Variants in CGNL1 observed in about 807,000 individuals in gnomAD.
CGNL1 encodes cingulin like 1.
In CGNL1, 132 loss-of-function variants were observed where a neutral mutation model predicts 141.2. The observed-to-expected ratio is 0.93, with a 90% CI of 0.81 to 1.08. The LOEUF is 1.08. Ranked by LOEUF, CGNL1 falls within the 50% of genes least tolerant of loss-of-function variation. The probability of loss-of-function intolerance (pLI) is 0.00; values close to 1 mark genes in which losing one functional copy is unlikely to be tolerated. For missense variants in CGNL1, 1,870 were observed against 1,588.6 expected (o/e 1.18, Z -3.01); for synonymous variants, 690 against 622.1 (o/e 1.11, Z -1.63).
At chr15:57,395,729 A>G (rs1315841093) in intron 1 of CGNL1, among the ~76,000 whole-genome samples, 5 of 152,254 alleles carry the variant, frequency 3.3e-5, no homozygotes, top group Non-Finnish European at 5.9e-5. Context: ...TTCTCATCAC[A>G]TTCCCATGAA....
At chr15:57,499,571 G>C (rs2063993648) in intron 8 of CGNL1, among the ~76,000 whole-genome samples, 1 of 152,130 alleles carries the variant, frequency 6.6e-6, no homozygotes, top group South Asian at 2.1e-4. Context: ...ACTTCTCAGA[G>C]TCTTTAATAT....
At chr15:57,442,079 C>G (rs2063194289) in intron 3 of CGNL1, among the ~76,000 whole-genome samples, 1 of 150,066 alleles carries the variant, frequency 6.7e-6, no homozygotes, top group South Asian at 2.1e-4. Flanking sequence ...TAAATGTTCA[C>G]TGGGTGTCTT....
chr15:57,493,888 A>G (rs1447495245), intron 8 of CGNL1, among the ~76,000 whole-genome samples: 5 of 152,250 alleles, frequency 3.3e-5, no homozygotes, highest in Admixed American at 3.3e-4. Flanking sequence ...TGTATATATG[A>G]CATTGGTCCA....
intron 1 of CGNL1, among the ~76,000 whole-genome samples, chr15:57,409,260 T>G (rs1232079154): frequency 2.6e-5 from 4 of 152,140 alleles, no homozygotes; most frequent in African/African-American, 9.7e-5. Context: ...GCCATGCATT[T>G]GGAGACGTGT....
In CGNL1 at chr15:57,382,622, G is replaced by A. The variant is rs114717295; in HGVS notation, c.-16+6055G>A. Among the ~76,000 whole-genome samples the A allele has an allele frequency of 5.5e-3, 831 of 152,196 alleles. 12 individuals are homozygous for A. The highest frequency in any genetic ancestry group is 0.019 in the African/African-American group (794 of 41,518). ...TTGAGGTAAGATGACCTCTAGTTTT[G>A]GCCTCAAGAATTCTCTTGTTTTTGA... On this transcript the variant is annotated intron_variant, in intron 1 of 18. Coordinates refer to ENST00000281282, the MANE Select transcript of CGNL1 (RefSeq NM_032866.5).
At chr15:57,443,536 T>C (rs1405727853) in intron 4 of CGNL1, among the ~76,000 whole-genome samples, 1 of 152,182 alleles carries the variant, frequency 6.6e-6, no homozygotes, top group Non-Finnish European at 1.5e-5. Context: ...GGGATAATTT[T>C]AGGCGTCAAC....
At chr15:57,404,191 A>T (rs1338373819) in intron 1 of CGNL1, among the ~76,000 whole-genome samples, 2 of 152,240 alleles carry the variant, frequency 1.3e-5, no homozygotes, top group Non-Finnish European at 2.9e-5. Flanking sequence ...CCAGGAAAGT[A>T]GCTTATTTCT....
intron 12 of CGNL1, among the ~76,000 whole-genome samples, chr15:57,526,247 C>T (rs2031606471): frequency 1.3e-5 from 2 of 152,002 alleles, no homozygotes; most frequent in Non-Finnish European, 2.9e-5. Flanking sequence ...CTCACTGATG[C>T]AGCCCTGTGA....
intron 8 of CGNL1, among the ~76,000 whole-genome samples, chr15:57,483,009 A>G (rs1009042989): frequency 6.6e-6 from 1 of 151,044 alleles, no homozygotes; most frequent in Non-Finnish European, 1.5e-5. Flanking sequence ...CTGATCTTGA[A>G]CTCCTGACCT....
chr15:57,520,545 C>G (rs2031182687), intron 10 of CGNL1, among the ~76,000 whole-genome samples: 1 of 152,226 alleles, frequency 6.6e-6, no homozygotes, highest in Non-Finnish European at 1.5e-5. Flanking sequence ...GCTCAATGCC[C>G]TACCGCTTGC....
chr15:57,408,734 C>T (rs552725295), intron 1 of CGNL1, among the ~76,000 whole-genome samples: 11 of 151,932 alleles, frequency 7.2e-5, no homozygotes, highest in Admixed American at 2.6e-4. Flanking sequence ...TAAAGAGATA[C>T]GTTCTTGAAA....
chr15:57,379,768 A>T (rs988414965), intron 1 of CGNL1, among the ~76,000 whole-genome samples: 3 of 152,086 alleles, frequency 2.0e-5, no homozygotes, highest in Non-Finnish European at 4.4e-5. Flanking sequence ...GGCATGTGAC[A>T]TTGCTGTTAT....
intron 1 of CGNL1, among the ~76,000 whole-genome samples, chr15:57,387,961 C>G (rs1293965259): frequency 3.3e-5 from 5 of 152,298 alleles, no homozygotes; most frequent in Non-Finnish European, 7.3e-5. Flanking sequence ...TCAGCTGCCA[C>G]TAGTAGAAGA....
At chr15:57,531,269 G>A (rs2031937220) in intron 13 of CGNL1, among the ~76,000 whole-genome samples, 1 of 152,162 alleles carries the variant, frequency 6.6e-6, no homozygotes, top group African/African-American at 2.4e-5. Flanking sequence ...CTCCTGCAAG[G>A]CTCTTGCAGA....
intron 14 of CGNL1, among the ~76,000 whole-genome samples, chr15:57,535,141 C>T (rs1198620391): frequency 3.3e-5 from 5 of 152,202 alleles, no homozygotes; most frequent in South Asian, 2.1e-4. Context: ...GATTTGACCA[C>T]AGTCATGCAG....
At chr15:57,468,682 A>T (rs2063542449) in intron 8 of CGNL1, among the ~76,000 whole-genome samples, 1 of 151,916 alleles carries the variant, frequency 6.6e-6, no homozygotes, top group Admixed American at 6.6e-5. Context: ...TGAGGGAGCA[A>T]TGATGTTTCT....
chr15:57,531,341 G>A (rs1595803831), intron 13 of CGNL1, among the ~76,000 whole-genome samples: 1 of 152,168 alleles, frequency 6.6e-6, no homozygotes, highest in East Asian at 1.9e-4. Context: ...GCACTGGCTT[G>A]GGTAGATCTG....
Position 57,438,326 on chromosome 15 carries a change from C to G in CGNL1, c.327C>G (p.Ala109=). 1 of 1,614,084 alleles carries G rather than the reference C, an allele frequency of 6.2e-7. No individual in the cohort carries two copies. The highest frequency in any genetic ancestry group is 8.5e-7 in the Non-Finnish European group (1 of 1,180,026). ...TTCAGCTTCCAGAAAACCCATACGC[C>G]CAGCCTAGCCCAATAAGAAACCTGA... The part of the protein sequence containing the change: ...EELQLPENPY[A]QPSPIRNLKQ... Residue 109 remains alanine (A), a synonymous_variant, in exon 2 of 19, where the codon GCC becomes GCG. Transcript: ENST00000281282.
intron 8 of CGNL1, among the ~76,000 whole-genome samples, chr15:57,472,892 C>T (rs117294903): frequency 5.3e-5 from 8 of 152,186 alleles, no homozygotes; most frequent in South Asian, 4.1e-4. Flanking sequence ...AATGGGTCAG[C>T]GGTGGGAATA....
Sources: allele counts gnomAD v4.1 joint callset (sites outside exome capture counted in the v4.1 genomes callset), GRCh38; gene constraint gnomAD v4.1.1; transcripts MANE v1.5; gene names NCBI Gene and HGNC (gene_info 2026-07-23, HGNC 2026-07-21).